Variants in MGST1 observed in about 807,000 individuals in gnomAD.
MGST1 encodes glutathione S-transferase 12.
Under a neutral mutation model 8.9 loss-of-function variants are expected in MGST1, and 5 were observed. The ratio of observed to expected loss-of-function variants is 0.56; its 90% CI spans 0.29 to 1.19. The LOEUF (loss-of-function observed/expected upper bound fraction) is 1.19. Ranked by LOEUF, MGST1 falls within the 50% of genes most tolerant of loss-of-function variation. The pLI is 0.08. For synonymous variants in MGST1, 54 were observed against 67.8 expected (o/e 0.80, Z 1.00); for missense variants, 182 against 187.4 (o/e 0.97, Z 0.17).
chr12:16,498,403 AC>A (rs1941483587), intron 4 of MGST1, among the ~76,000 whole-genome samples: 1 of 152,162 alleles, frequency 6.6e-6, no homozygotes, highest in Non-Finnish European at 1.5e-5. Flanking sequence ...CCACTGTGAT[AC>A]CAAGAAACAG....
chr12:16,495,268 G>A (rs73320874), intron 4 of MGST1, among the ~76,000 whole-genome samples: 2,053 of 152,116 alleles, frequency 0.013, 50 homozygotes, highest in African/African-American at 0.047. Flanking sequence ...TAAACATTGG[G>A]TCCTCAAGGA....
At position 16,509,613 on chromosome 12, in the gene MGST1, C is replaced by T. The variant is rs1434441689; in HGVS notation, n.483-79915C>T. On this transcript the variant is annotated intron_variant and non_coding_transcript_variant, in intron 4 of 4. Transcript: ENST00000538857. ...ATTCATAAGTTCAGAGTGGACAAAC[C>T]AGATAGATGGTGGACCTTACATACC... Among the ~76,000 whole-genome samples the T allele has an allele frequency of 2.6e-5, 4 of 152,066 alleles. No individual in the cohort carries two copies. The East Asian group carries it at 5.8e-4, about 22-fold the overall frequency.
chr12:16,360,098 G>C (rs2136974805), intron 3 of MGST1, among the ~76,000 whole-genome samples: 1 of 152,304 alleles, frequency 6.6e-6, no homozygotes, highest in Middle Eastern at 3.4e-3. Flanking sequence ...TGAGACACTG[G>C]CTTTTCCGCA....
intron 1 of MGST1, among the ~76,000 whole-genome samples, chr12:16,405,795 A>T (rs2080464): frequency 6.6e-6 from 1 of 151,992 alleles, no homozygotes; most frequent in Non-Finnish European, 1.5e-5. Flanking sequence ...CACATAAACA[A>T]AACTAAAGAC....
chr12:16,501,392 G>A (rs528776254), intron 4 of MGST1, among the ~76,000 whole-genome samples: 11 of 152,258 alleles, frequency 7.2e-5, no homozygotes, highest in South Asian at 2.1e-4. Context: ...ACATAAAACC[G>A]CACACACAGT....
intron 1 of MGST1, among the ~76,000 whole-genome samples, chr12:16,406,820 AG>A (rs1306008011): frequency 6.6e-6 from 1 of 152,226 alleles, no homozygotes; most frequent in Non-Finnish European, 1.5e-5. Context: ...CTCCCTATTC[AG>A]TAAATGGTGC....
rs1940078428 is a variant in MGST1 at position 16,363,248 on chromosome 12, T to C, written c.222-547T>C. ...CTATATTTGAAAGGCTAGTTATGTA[T>C]TCTGTTATTTAGATATAAGAGCATG... On this transcript the variant is annotated intron_variant, in intron 3 of 3. Transcript: ENST00000396210. The surrounding 1 kb of genome is among the most constrained non-coding windows in gnomAD (Gnocchi z 4.6). 6.6e-6 allele frequency: 1 copy of C among 152,180 alleles called. No individual in the cohort carries two copies. Among genetic ancestry groups the C allele is most frequent in the Non-Finnish European group, 1.5e-5 (1 of 68,032 alleles). The allele number at this position is 152,180 out of a possible 1,614,324, so 9.4% of individuals were successfully genotyped here. A position where few individuals can be genotyped will look rare whatever the true frequency, so the allele number is the denominator to read the frequency against.
At chr12:16,461,920 A>G (rs1941224460) in intron 4 of MGST1, among the ~76,000 whole-genome samples, 1 of 152,134 alleles carries the variant, frequency 6.6e-6, no homozygotes, top group Non-Finnish European at 1.5e-5. Flanking sequence ...TTGGCTTGAA[A>G]TAGCTATTCC....
chr12:16,532,799 T>A (rs1197569020), intron 4 of MGST1, among the ~76,000 whole-genome samples: 5 of 152,162 alleles, frequency 3.3e-5, no homozygotes, highest in South Asian at 2.1e-4. Context: ...GCATTTTTTT[T>A]AAATTTTACA....
chr12:16,484,240 G>T (rs1941384009), intron 4 of MGST1, among the ~76,000 whole-genome samples: 1 of 152,176 alleles, frequency 6.6e-6, no homozygotes, highest in African/African-American at 2.4e-5. Context: ...GGTGTGAATT[G>T]TAGCAGAAAT....
At chr12:16,466,156 G>C (rs1053546302) in intron 4 of MGST1, among the ~76,000 whole-genome samples, 3 of 152,106 alleles carry the variant, frequency 2.0e-5, no homozygotes, top group Non-Finnish European at 4.4e-5. Context: ...AGTTTTTTTA[G>C]AGACACGTCA....
At chr12:16,436,682 A>G (rs1382022539) in intron 1 of MGST1, among the ~76,000 whole-genome samples, 2 of 152,042 alleles carry the variant, frequency 1.3e-5, no homozygotes, top group Non-Finnish European at 2.9e-5. Context: ...GTATCGGCTC[A>G]TTTAATTTTC....
chr12:16,576,125 A>G lies in MGST1; in HGVS notation n.483-13403A>G, dbSNP rs1055887550. On this transcript the variant is annotated intron_variant and non_coding_transcript_variant, in intron 4 of 4. Coordinates refer to the MGST1 transcript ENST00000538857. This position sits in a 1 kb window ranked among gnomAD's most constrained non-coding sequence, Gnocchi z 4.1. ...TCATACTACAACCTCCCAGCTGAAC[A>G]TCTTTCCACCAGCCTGCCCTGCCCT... 4.6e-5 allele frequency among the ~76,000 whole-genome samples: 7 copies of G among 152,006 alleles called. No individual in the cohort carries two copies. The highest frequency in any genetic ancestry group is 8.8e-5 in the Non-Finnish European group (6 of 67,996).
intron 3 of MGST1, among the ~76,000 whole-genome samples, chr12:16,372,855 ATATAT>A (rs1265034636): frequency 1.4e-5 from 2 of 140,356 alleles, no homozygotes; most frequent in Admixed American, 7.0e-5. Flanking sequence ...TATATGTTAC[ATATAT>A]TATGTATTAG....
chr12:16,470,932 CAATT>C (rs1941286601), intron 4 of MGST1, among the ~76,000 whole-genome samples: 1 of 152,146 alleles, frequency 6.6e-6, no homozygotes, highest in Non-Finnish European at 1.5e-5. Context: ...AAACTAAAAA[CAATT>C]AAGTTTTTGA....
downstream of MGST1, among the ~76,000 whole-genome samples, chr12:16,381,465 G>A (rs368099553): frequency 2.6e-5 from 4 of 152,104 alleles, no homozygotes; most frequent in Non-Finnish European, 5.9e-5. Context: ...TTGAATATTG[G>A]TCCCCACTCT....
intron 4 of MGST1, among the ~76,000 whole-genome samples, chr12:16,521,452 A>G (rs1222668180): frequency 6.6e-6 from 1 of 152,152 alleles, no homozygotes; most frequent in Non-Finnish European, 1.5e-5. Flanking sequence ...GCCAAAAATA[A>G]GACCTTATTT....
intron 1 of MGST1, among the ~76,000 whole-genome samples, chr12:16,384,489 T>G (rs1489947917): frequency 6.6e-6 from 1 of 152,080 alleles, no homozygotes; most frequent in Non-Finnish European, 1.5e-5. Flanking sequence ...TGCCAAGGGT[T>G]GCAAGCAACC....
At chr12:16,377,180 T>C (rs1259921456) in exon 4 of MGST1, 1 of 152,072 alleles carries the variant, frequency 6.6e-6, no homozygotes, top group Non-Finnish European at 1.5e-5. Flanking sequence ...AGTTTTAGGG[T>C]ACATGTGCAC....
Sources: gnomAD v4.1 joint callset for allele counts (sites outside exome capture counted in the v4.1 genomes callset) on GRCh38, gnomAD v4.1.1 for gene constraint, Gnocchi (gnomAD v3.1) non-coding constraint, MANE v1.5 for transcripts, NCBI Gene and HGNC (gene_info 2026-07-23, HGNC 2026-07-21) for gene names.